The following EBI3 variants were observed in gnomAD, a reference collection of about 807,000 sequenced individuals.
The protein encoded by EBI3 is interleukin-27 subunit beta.
EBI3 carries 19 observed loss-of-function variants against 21.3 expected under a neutral mutation model. That is an observed-to-expected ratio of 0.89 (90% CI 0.62 to 1.31). EBI3 has a LOEUF of 1.31. EBI3 is among the 50% of genes most tolerant of loss of function. The pLI, the probability that EBI3 is intolerant of heterozygous loss-of-function variation, is 0.00. For missense variants in EBI3, 331 were observed against 314.0 expected, an observed-to-expected ratio of 1.05 and a Z score of -0.41; for synonymous variants, 154 against 131.2, an observed-to-expected ratio of 1.17 and a Z score of -1.19.
At position 4,237,003 on chromosome 19, in the gene EBI3, A is replaced by G; in HGVS notation, c.605A>G (p.Gln202Arg). 6.3e-7 allele frequency: 1 copy of G among 1,583,240 alleles called. No homozygotes were observed. The highest frequency in any genetic ancestry group is 8.6e-7 in the Non-Finnish European group (1 of 1,161,904). Residue 202 changes from glutamine to arginine, a missense_variant, in exon 5 of 5, where the codon CAA becomes CGA. By Grantham distance (43) the Gln-to-Arg change is conservative. Coordinates refer to ENST00000221847, the MANE Select transcript of EBI3 (RefSeq NM_005755.3). ...CGGCCCCGAGCCAGGTACTACGTCC[A>G]AGTGGCGGCTCAGGACCTCACAGAC... is the stretch of plus-strand genomic sequence containing the variant. Reference protein sequence around the residue: ...AVRPRARYYVQVAAQDLTDYG... With the variant: ...AVRPRARYYVRVAAQDLTDYG...
intron 4 of EBI3, among the ~76,000 whole-genome samples, chr19:4,235,755 C>T (rs1970831840): frequency 6.6e-6 from 1 of 151,924 alleles, no homozygotes; most frequent in South Asian, 2.1e-4. Flanking sequence ...TAGTGAGACT[C>T]CCATCTCTAC....
At chr19:4,232,558 A>T (rs1970795154) in intron 2 of EBI3, among the ~76,000 whole-genome samples, 1 of 148,480 alleles carries the variant, frequency 6.7e-6, no homozygotes, top group South Asian at 2.2e-4. Context: ...CCCCATCTGT[A>T]GAAAAAAAAT....
At chr19:4,233,534 C>T (rs76502212) in intron 3 of EBI3, among the ~76,000 whole-genome samples, 9,935 of 152,176 alleles carry the variant, frequency 0.065, 540 homozygotes, top group South Asian at 0.3. Flanking sequence ...CTTCCCACAG[C>T]AGCCACCAGA....
At chr19:4,232,028 C>A (rs1970787798) in intron 2 of EBI3, among the ~76,000 whole-genome samples, 1 of 151,044 alleles carries the variant, frequency 6.6e-6, no homozygotes, top group Admixed American at 6.6e-5. Context: ...AGATGGAGAC[C>A]ACCCTGGCGA....
At chr19:4,233,986 C>T (rs1241589677) in intron 3 of EBI3, among the ~76,000 whole-genome samples, 1 of 152,170 alleles carries the variant, frequency 6.6e-6, no homozygotes. Context: ...AGGCCGATCA[C>T]CTGAGGTCAG....
chr19:4,229,813 C>T (rs2144673446), intron 1 of EBI3, among the ~76,000 whole-genome samples, 196 bp downstream of exon 1: 1 of 152,324 alleles, frequency 6.6e-6, no homozygotes, highest in East Asian at 1.9e-4. Context: ...AAGGATGTCA[C>T]CTTGTGGGTG....
At chr19:4,231,088 A>T in intron 1 of EBI3, 103 bp from the exon 2 acceptor site, 1 of 1,431,250 alleles carries the variant, frequency 7.0e-7, no homozygotes, top group Non-Finnish European at 9.2e-7. Context: ...GGCACCTACC[A>T]TGTACCTGGT....
chr19:4,236,738 G>A (rs1024674988), intron 4 of EBI3, among the ~76,000 whole-genome samples, 198 bp from the exon 5 acceptor site: 2 of 152,066 alleles, frequency 1.3e-5, no homozygotes, highest in African/African-American at 4.8e-5. Context: ...AGGTGGCTCT[G>A]GGGGCCACAC....
chr19:4,234,549 T>G, intron 3 of EBI3, 118 bp from the exon 4 acceptor site: 2 of 1,465,834 alleles, frequency 1.4e-6, no homozygotes, highest in Non-Finnish European at 1.8e-6. Context: ...GGTGACAGAG[T>G]GAGACTCCGT....
intron 2 of EBI3, 107 bp from the exon 3 acceptor site, chr19:4,233,022 C>A: frequency 7.7e-7 from 1 of 1,299,428 alleles, no homozygotes; most frequent in Non-Finnish European, 1.0e-6. Flanking sequence ...ATCCGCTGCC[C>A]CCTCCTGTTC....
chr19:4,231,440 G>C, intron 2 of EBI3, 117 bp downstream of exon 2: 1 of 1,367,132 alleles, frequency 7.3e-7, no homozygotes, highest in Non-Finnish European at 9.5e-7. Flanking sequence ...TGAACCCCAG[G>C]CCTATGGAAT....
chr19:4,234,552 G>T, intron 3 of EBI3, 115 bp from the exon 4 acceptor site: 1 of 1,473,672 alleles, frequency 6.8e-7, no homozygotes, highest in South Asian at 1.3e-5. Flanking sequence ...GACAGAGTGA[G>T]ACTCCGTTTC....
In EBI3 at chr19:4,234,911, T is replaced by A. The variant is rs946769613; in HGVS notation, c.537+87T>A. On this transcript the variant is annotated intron_variant, in intron 4 of 4. Coordinates refer to ENST00000221847, the MANE Select transcript of EBI3 (RefSeq NM_005755.3). ...AAGACTAGCAGGTGTGCTGGGCTCT[T>A]GCACATAGCTTGCGATTCCGGGTGC... 9 of 1,542,980 alleles carry A rather than the reference T, an allele frequency of 5.8e-6. No homozygotes were observed. In the African/African-American group the frequency reaches 1.2e-4, roughly 21 times the overall value.
chr19:4,229,756 A>G (rs1970766011), intron 1 of EBI3, 139 bp downstream of exon 1: 12 of 876,556 alleles, frequency 1.4e-5, no homozygotes, highest in Middle Eastern at 2.4e-4. Context: ...CATTGTACAG[A>G]TGGAGGAACT....
chr19:4,233,320 G>C lies in EBI3; in HGVS notation c.379+13G>C. 6.3e-7 allele frequency: 1 copy of C among 1,577,276 alleles called. No individual in the cohort carries two copies. Among genetic ancestry groups the C allele is most frequent in the Non-Finnish European group, 8.6e-7 (1 of 1,164,000 alleles). On this transcript the variant is annotated intron_variant, in intron 3 of 4. Coordinates refer to ENST00000221847, the MANE Select transcript of EBI3 (RefSeq NM_005755.3). Reference sequence around the variant, plus strand: ...ACAGAGCACATCAGTGAGTGGGGGCGGCAGTGGGGGCGGGGGCGGGGCTGC... The same window carrying C: ...ACAGAGCACATCAGTGAGTGGGGGCCGCAGTGGGGGCGGGGGCGGGGCTGC...
At chr19:4,229,700 GA>G in intron 1 of EBI3, 83 bp downstream of exon 1, 2 of 1,387,492 alleles carry the variant, frequency 1.4e-6, no homozygotes, top group South Asian at 1.3e-5. Flanking sequence ...TCTGGGGTGG[GA>G]AATCACATCC....
intron 4 of EBI3, among the ~76,000 whole-genome samples, chr19:4,235,121 C>A (rs988438583): frequency 6.6e-6 from 1 of 151,252 alleles, no homozygotes; most frequent in Non-Finnish European, 1.5e-5. Context: ...CAGGTTCAAG[C>A]GATGCTCCTG....
Position 4,233,275 on chromosome 19 carries a change from G to A in EBI3, c.347G>A (p.Ser116Asn). The change falls in exon 3 of 5, where the codon AGC (serine) becomes AAC (asparagine). Residue 116 changes from serine (S) to asparagine (N), a missense_variant. Physicochemically the swap from Ser to Asn is conservative, Grantham distance 46 (BLOSUM62 1). Transcript: ENST00000221847. ...VTAVHPWGSSSSFVPFITEHI... is the reference protein window; with the variant it reads ...VTAVHPWGSSNSFVPFITEHI... ...GCCGTCCACCCCTGGGGCTCCAGCAGCAGCTTCGTGCCTTTCATAACAGAG... is the reference window on the plus strand; with the variant it reads ...GCCGTCCACCCCTGGGGCTCCAGCAACAGCTTCGTGCCTTTCATAACAGAG... 6.2e-7 allele frequency: 1 copy of A among 1,610,324 alleles called. No individual in the cohort carries two copies. The highest frequency in any genetic ancestry group is 1.1e-5 in the South Asian group (1 of 90,902).
chr19:4,235,429 C>T (rs1970829377), intron 4 of EBI3, among the ~76,000 whole-genome samples: 1 of 152,082 alleles, frequency 6.6e-6, no homozygotes, highest in Admixed American at 6.6e-5. Flanking sequence ...AAGTGATTCT[C>T]CTGCCTCAGC....
Sources: gnomAD v4.1 joint callset for allele counts (sites outside exome capture counted in the v4.1 genomes callset) on GRCh38, gnomAD v4.1.1 for gene constraint, MANE v1.5 for transcripts, NCBI Gene and HGNC (gene_info 2026-07-23, HGNC 2026-07-21) for gene names.